Variants in GRID1 observed in about 807,000 individuals in gnomAD.
GRID1 encodes glutamate ionotropic receptor delta type subunit 1, also known as glutamate receptor ionotropic, delta-1.
A neutral mutation model predicts 98.0 loss-of-function variants in GRID1; 28 were observed. The ratio of observed to expected loss-of-function variants is 0.29; its 90% CI spans 0.21 to 0.39. The LOEUF (loss-of-function observed/expected upper bound fraction) is 0.39. Ranked by LOEUF, GRID1 falls within the 10% of genes least tolerant of loss-of-function variation. The pLI is 1.00. For synonymous variants in GRID1, 553 were observed against 538.5 expected (o/e 1.03, Z -0.37); for missense variants, 1,111 against 1,340.5 (o/e 0.83, Z 2.67).
chr10:86,040,285 C>T (rs1026257129), intron 4 of GRID1, among the ~76,000 whole-genome samples: 4 of 152,078 alleles, frequency 2.6e-5, no homozygotes, highest in Non-Finnish European at 5.9e-5. Context: ...TGAAGAGATG[C>T]CTGCACTCCC....
intron 5 of GRID1, among the ~76,000 whole-genome samples, chr10:85,901,231 A>ATTTTAT (rs201389360): frequency 2.7e-5 from 3 of 111,730 alleles, no homozygotes; most frequent in African/African-American, 6.2e-5. Flanking sequence ...ATTTTATTTT[A>ATTTTAT]TTTATTTATT....
At chr10:86,173,438 C>G (rs1175952828) in intron 3 of GRID1, among the ~76,000 whole-genome samples, 1 of 152,196 alleles carries the variant, frequency 6.6e-6, no homozygotes, top group Non-Finnish European at 1.5e-5. Flanking sequence ...CACATCTTCC[C>G]ATGGTCACAC....
chr10:86,214,816 C>G (rs1439705741), intron 2 of GRID1, among the ~76,000 whole-genome samples: 2 of 152,192 alleles, frequency 1.3e-5, no homozygotes, highest in Non-Finnish European at 2.9e-5. Context: ...TTGCAGTAAG[C>G]CAAGATAGTG....
intron 4 of GRID1, among the ~76,000 whole-genome samples, chr10:85,927,447 G>T (rs1841789966): frequency 6.6e-6 from 1 of 151,826 alleles, no homozygotes; most frequent in Admixed American, 6.6e-5. Context: ...TACCCCATAA[G>T]CTGCGAGTTT....
chr10:86,346,911 G>A (rs1329444236), intron 2 of GRID1, among the ~76,000 whole-genome samples: 2 of 152,198 alleles, frequency 1.3e-5, no homozygotes, highest in African/African-American at 4.8e-5. Context: ...GGGGAAGACT[G>A]AAACCAGGTA....
At chr10:85,616,311 GT>G (rs1246841441) in intron 14 of GRID1, among the ~76,000 whole-genome samples, 2 of 152,236 alleles carry the variant, frequency 1.3e-5, no homozygotes, top group African/African-American at 4.8e-5. Context: ...CTTGCCCACT[GT>G]TGTAATTAGA....
chr10:85,729,456 T>C, intron 9 of GRID1, 57 bp downstream of exon 9: 1 of 979,944 alleles, frequency 1.0e-6, no homozygotes, highest in Non-Finnish European at 1.6e-6. Context: ...GAAAGCAGCC[T>C]CTGATTCAAC....
intron 8 of GRID1, among the ~76,000 whole-genome samples, chr10:85,774,264 C>T (rs1459721096): frequency 6.6e-5 from 10 of 152,168 alleles, no homozygotes; most frequent in Admixed American, 1.3e-4. Context: ...GGAAAACTGG[C>T]TAGCCATATG....
At chr10:86,352,006 G>A (rs1848469967) in intron 2 of GRID1, among the ~76,000 whole-genome samples, 1 of 152,216 alleles carries the variant, frequency 6.6e-6, no homozygotes, top group South Asian at 2.1e-4. Context: ...TGTAAAGAGG[G>A]GCAGTGACAA....
At chr10:85,826,432 A>G (rs528223509) in intron 8 of GRID1, among the ~76,000 whole-genome samples, 149 of 152,328 alleles carry the variant, frequency 9.8e-4, no homozygotes, top group African/African-American at 3.5e-3. Flanking sequence ...ATCCCCAATG[A>G]CATAACTTCA....
At chr10:85,746,289 G>T (rs1323376792) in intron 8 of GRID1, among the ~76,000 whole-genome samples, 2 of 152,096 alleles carry the variant, frequency 1.3e-5, no homozygotes, top group South Asian at 2.1e-4. Flanking sequence ...TTTAGAGAGG[G>T]AGTTGAGAGT....
intron 2 of GRID1, among the ~76,000 whole-genome samples, chr10:86,295,353 C>T (rs950188444): frequency 2.0e-5 from 3 of 152,120 alleles, no homozygotes; most frequent in Admixed American, 6.6e-5. Flanking sequence ...AGGAGGCGGA[C>T]GGATGGGATG....
chr10:86,363,893 G>A (rs774983629), intron 2 of GRID1, 48 bp downstream of exon 2: 80 of 1,543,418 alleles, frequency 5.2e-5, no homozygotes, highest in Non-Finnish European at 6.5e-5. Flanking sequence ...CTGCTGCGAC[G>A]CCTCGCAGGC....
At chr10:86,067,134 G>A (rs1407283871) in intron 4 of GRID1, among the ~76,000 whole-genome samples, 2 of 152,184 alleles carry the variant, frequency 1.3e-5, no homozygotes, top group Non-Finnish European at 2.9e-5. Context: ...ATTTCCTAGC[G>A]TGAGATAATG....
At chr10:85,661,436 T>G (rs1840964458) in intron 12 of GRID1, among the ~76,000 whole-genome samples, 2 of 152,218 alleles carry the variant, frequency 1.3e-5, no homozygotes, top group Non-Finnish European at 2.9e-5. Flanking sequence ...CACAGCTGTT[T>G]TCTCTGAAAA....
At position 86,195,699 on chromosome 10, in the gene GRID1, C is replaced by T. The variant is rs186576249; in HGVS notation, c.520+10665G>A. 4.6e-5 allele frequency among the ~76,000 whole-genome samples: 7 copies of T among 152,196 alleles called. No homozygotes were observed. The South Asian group carries it at 6.2e-4, about 14-fold the overall frequency. ...ATAACTTCCAGCAAGGAACTGGGTA[C>T]GTGAAGGGCTGAGAGGAGACATAAT... On this transcript the variant is annotated intron_variant, in intron 3 of 15. Coordinates refer to ENST00000327946, the MANE Select transcript of GRID1 (RefSeq NM_017551.3). This position sits in a 1 kb window ranked among gnomAD's most constrained non-coding sequence, Gnocchi z 4.4.
At chr10:85,767,916 C>T (rs1842213231) in intron 8 of GRID1, among the ~76,000 whole-genome samples, 1 of 152,168 alleles carries the variant, frequency 6.6e-6, no homozygotes, top group African/African-American at 2.4e-5. Context: ...GCACATTAGA[C>T]ACATTGAGCC....
At chr10:86,060,621 G>A (rs558094587) in intron 4 of GRID1, among the ~76,000 whole-genome samples, 8 of 152,284 alleles carry the variant, frequency 5.3e-5, no homozygotes, top group African/African-American at 1.7e-4. Context: ...AGGTGTCCCC[G>A]GGTGTCGGAT....
chr10:86,287,638 C>T (rs1335106348), intron 2 of GRID1, among the ~76,000 whole-genome samples: 1 of 152,180 alleles, frequency 6.6e-6, no homozygotes, highest in African/African-American at 2.4e-5. Context: ...GCTGGTTGTG[C>T]CCCTCCACAG....
Sources: allele counts gnomAD v4.1 joint callset (sites outside exome capture counted in the v4.1 genomes callset), GRCh38; gene constraint gnomAD v4.1.1; non-coding constraint Gnocchi (gnomAD v3.1); transcripts MANE v1.5; gene names NCBI Gene and HGNC (gene_info 2026-07-23, HGNC 2026-07-21).